The following DCLK2 variants were observed in gnomAD, a reference collection of about 807,000 sequenced individuals.
DCLK2 encodes serine/threonine-protein kinase DCLK2.
DCLK2 carries 31 observed loss-of-function variants against 78.4 expected under a neutral mutation model. That is an observed-to-expected ratio of 0.40 (90% CI 0.30 to 0.53). DCLK2 has a LOEUF of 0.53. DCLK2 is among the 20% of genes least tolerant of loss of function. The pLI is 0.61. For synonymous variants in DCLK2, 407 were observed against 374.9 expected, an observed-to-expected ratio of 1.09 and a Z score of -0.99; for missense variants, 872 against 973.7, an observed-to-expected ratio of 0.90 and a Z score of 1.39.
At chr4:150,091,435 T>G (rs1033786237) in intron 1 of DCLK2, among the ~76,000 whole-genome samples, 9 of 152,224 alleles carry the variant, frequency 5.9e-5, no homozygotes, top group African/African-American at 2.2e-4. Context: ...AGTATGTGTG[T>G]GTGTATCCTT....
chr4:150,253,353 A>G (rs935881469), intron 15 of DCLK2: 2 of 1,033,172 alleles, frequency 1.9e-6, no homozygotes, highest in South Asian at 1.3e-5. Context: ...CTGTCACCCT[A>G]GTGTTCTCAT....
intron 2 of DCLK2, among the ~76,000 whole-genome samples, chr4:150,104,721 CTA>C: frequency 6.6e-6 from 1 of 151,826 alleles, no homozygotes; most frequent in East Asian, 1.9e-4. Context: ...ATAAAATACT[CTA>C]TATTCAGTTA....
chr4:150,103,619 G>C (rs992283180), intron 2 of DCLK2, among the ~76,000 whole-genome samples: 1 of 151,972 alleles, frequency 6.6e-6, no homozygotes, highest in Non-Finnish European at 1.5e-5. Context: ...GTTCCATTTT[G>C]CCTCTTCCCT....
chr4:150,186,341 A>G (rs1009953751), intron 2 of DCLK2, among the ~76,000 whole-genome samples: 4 of 152,230 alleles, frequency 2.6e-5, no homozygotes, highest in Non-Finnish European at 4.4e-5. Context: ...AGAACACAGA[A>G]TATGTTGTAA....
At chr4:150,146,079 G>C (rs1339723709) in intron 2 of DCLK2, among the ~76,000 whole-genome samples, 1 of 152,152 alleles carries the variant, frequency 6.6e-6, no homozygotes, top group Non-Finnish European at 1.5e-5. Flanking sequence ...GAGGCCATCT[G>C]ATTTCCTGCC....
intron 2 of DCLK2, among the ~76,000 whole-genome samples, chr4:150,144,351 T>C (rs373821979): frequency 1.1e-4 from 17 of 152,170 alleles, no homozygotes; most frequent in African/African-American, 3.6e-4. Context: ...CCTTTTCCCA[T>C]TTATTTTTGT....
At chr4:150,147,849 G>A (rs1734592955) in intron 2 of DCLK2, among the ~76,000 whole-genome samples, 1 of 152,138 alleles carries the variant, frequency 6.6e-6, no homozygotes, top group South Asian at 2.1e-4. Context: ...GTAATAAACA[G>A]ATTAATTGAA....
intron 2 of DCLK2, among the ~76,000 whole-genome samples, chr4:150,160,855 A>G (rs553930056): frequency 2.0e-5 from 3 of 152,198 alleles, no homozygotes; most frequent in Non-Finnish European, 4.4e-5. Flanking sequence ...CAGTGCCTCC[A>G]TGTTATTGGT....
chr4:150,206,305 A>G (rs1739837372), intron 5 of DCLK2, among the ~76,000 whole-genome samples: 1 of 152,156 alleles, frequency 6.6e-6, no homozygotes, highest in South Asian at 2.1e-4. Context: ...TGCTAGGTGT[A>G]TCTTAATTAT....
At chr4:150,232,541 A>G in intron 9 of DCLK2, 85 bp downstream of exon 9, 3 of 1,523,114 alleles carry the variant, frequency 2.0e-6, no homozygotes, top group South Asian at 1.2e-5. Flanking sequence ...GTGTATTGCT[A>G]CCTCATAACT....
At chr4:150,089,398 A>T (rs1255616630) in intron 1 of DCLK2, among the ~76,000 whole-genome samples, 1 of 152,194 alleles carries the variant, frequency 6.6e-6, no homozygotes, top group Non-Finnish European at 1.5e-5. Flanking sequence ...TTTTGAGGAA[A>T]GTTTTGCCTC....
At chr4:150,228,427 T>C (rs1181399185) in intron 8 of DCLK2, among the ~76,000 whole-genome samples, 1 of 152,224 alleles carries the variant, frequency 6.6e-6, no homozygotes, top group Non-Finnish European at 1.5e-5. Context: ...CAGTGCGTGA[T>C]GTGTCTACTC....
chr4:150,106,821 C>A (rs1379461622), intron 2 of DCLK2, among the ~76,000 whole-genome samples: 1 of 152,212 alleles, frequency 6.6e-6, no homozygotes, highest in African/African-American at 2.4e-5. Flanking sequence ...GTGAACACAT[C>A]TTGCCACTAG....
In DCLK2 at chr4:150,213,117, G is replaced by A. The variant is rs576507849; in HGVS notation, c.1057-7586G>A. 2.0e-5 allele frequency among the ~76,000 whole-genome samples: 3 copies of A among 152,358 alleles called. No homozygotes were observed. The South Asian group carries it at 6.2e-4, about 32-fold the overall frequency. ...TCGAAAGGCTTACTCAGAGGGGTGCGATGAGATTCTCTGCTGGTTTTGGCA... is the reference window on the plus strand; with the variant it reads ...TCGAAAGGCTTACTCAGAGGGGTGCAATGAGATTCTCTGCTGGTTTTGGCA... On this transcript the variant is annotated intron_variant, in intron 5 of 15. Transcript: ENST00000296550.
At chr4:150,254,188 C>T (rs911916988) in intron 15 of DCLK2, among the ~76,000 whole-genome samples, 8 of 152,218 alleles carry the variant, frequency 5.3e-5, no homozygotes, top group African/African-American at 1.2e-4. Context: ...CGCCGTCACT[C>T]GGCGCCTGCG....
intron 2 of DCLK2, among the ~76,000 whole-genome samples, chr4:150,149,603 T>C (rs980281080): frequency 1.3e-5 from 2 of 152,226 alleles, no homozygotes; most frequent in African/African-American, 2.4e-5. Context: ...GGTTTTTGGT[T>C]TGTGGAGCTT....
intron 4 of DCLK2, among the ~76,000 whole-genome samples, chr4:150,202,396 A>ATT (rs1739525295): frequency 6.6e-6 from 1 of 152,228 alleles, no homozygotes; most frequent in African/African-American, 2.4e-5. Flanking sequence ...AGTCAGAAAA[A>ATT]TTAAAGTTTT....
At chr4:150,096,125 G>C (rs554851298) in intron 1 of DCLK2, among the ~76,000 whole-genome samples, 1 of 152,324 alleles carries the variant, frequency 6.6e-6, no homozygotes, top group African/African-American at 2.4e-5. Context: ...GGGAAGAAAC[G>C]AGAGAAGGCA....
intron 5 of DCLK2, among the ~76,000 whole-genome samples, chr4:150,214,708 A>G (rs1213501003): frequency 6.6e-6 from 1 of 152,030 alleles, no homozygotes; most frequent in East Asian, 1.9e-4. Flanking sequence ...ACACCTGTAA[A>G]CTCAGCACTT....
Sources: gnomAD v4.1 joint callset for allele counts (sites outside exome capture counted in the v4.1 genomes callset) on GRCh38, gnomAD v4.1.1 for gene constraint, MANE v1.5 for transcripts, NCBI Gene and HGNC (gene_info 2026-07-23, HGNC 2026-07-21) for gene names.